LMOD2: variants seen among roughly 807,000 people sequenced by gnomAD.
The protein encoded by LMOD2 is leiomodin 2.
Under a neutral mutation model 41.7 loss-of-function variants are expected in LMOD2, and 27 were observed. The ratio of observed to expected loss-of-function variants is 0.65; its 90% CI spans 0.48 to 0.89. The LOEUF is 0.89. Ranked by LOEUF, LMOD2 falls within the 40% of genes least tolerant of loss-of-function variation. LMOD2 has a pLI of 0.00. For missense variants in LMOD2, 624 were observed against 667.9 expected (o/e 0.93, Z 0.72); for synonymous variants, 251 against 244.6 (o/e 1.03, Z -0.25).
Position 123,662,414 on chromosome 7 carries a change from G to A in LMOD2, c.828G>A (p.Glu276=). 2 of 1,613,992 alleles carry A rather than the reference G, an allele frequency of 1.2e-6. No homozygotes were observed. The highest frequency in any genetic ancestry group is 1.7e-6 in the Non-Finnish European group (2 of 1,179,896). ...VNEHITNVNV[E]SNFITGKGIL... ...AGCACATCACCAACGTAAACGTCGA[G>A]TCCAACTTCATAACGGGAAAGGGGA... is the stretch of plus-strand genomic sequence containing the variant. Residue 276 remains glutamate, a synonymous_variant, in exon 2 of 3, where the codon GAG becomes GAA. Transcript: ENST00000458573. This position sits in a 1 kb window ranked among gnomAD's most constrained non-coding sequence, Gnocchi z 4.0.
Position 123,662,071 on chromosome 7 carries a change from A to C in LMOD2, c.485A>C (p.Lys162Thr), listed in dbSNP as rs1211921637. Residue 162 changes from lysine (K) to threonine (T), a missense_variant, in exon 2 of 3, where the codon AAG becomes ACG. Physicochemically the swap from Lys to Thr is moderately conservative, Grantham distance 78. Coordinates refer to ENST00000458573, the MANE Select transcript of LMOD2 (RefSeq NM_207163.3). The surrounding 1 kb of genome is among the most constrained non-coding windows in gnomAD (Gnocchi z 4.0). ...NYDSVNSDNS[K>T]PKIFKSQIEN... ...GATAGTGTCAATTCTGACAACTCTA[A>C]GCCAAAGATATTTAAAAGTCAAATA... is the stretch of plus-strand genomic sequence containing the variant. 6.2e-7 allele frequency: 1 copy of C among 1,605,152 alleles called. No individual in the cohort carries two copies. The highest frequency in any genetic ancestry group is 8.5e-7 in the Non-Finnish European group (1 of 1,175,284).
chr7:123,659,784 C>G (rs1183264329), intron 1 of LMOD2, among the ~76,000 whole-genome samples: 3 of 152,112 alleles, frequency 2.0e-5, no homozygotes, highest in Non-Finnish European at 2.9e-5. Flanking sequence ...GGGAATGCGT[C>G]TGAGGGATAT....
rs568905986 is a variant in LMOD2, at chr7:123,659,080, C to T, written c.274-2780C>T. 3.5e-4 allele frequency among the ~76,000 whole-genome samples: 53 copies of T among 152,262 alleles called. 1 individual carries two copies. The highest frequency in any genetic ancestry group is 1.1e-3 in the African/African-American group (45 of 41,542). On this transcript the variant is annotated intron_variant, in intron 1 of 2. Coordinates refer to ENST00000458573, the MANE Select transcript of LMOD2 (RefSeq NM_207163.3). ...ACAGAAGCCTTACCAATAACATAAA[C>T]GGTCAATTAACACATACTTTGAATG...
At chr7:123,658,400 C>T (rs553506957) in intron 1 of LMOD2, among the ~76,000 whole-genome samples, 25 of 152,162 alleles carry the variant, frequency 1.6e-4, no homozygotes, top group African/African-American at 5.3e-4. Context: ...AAGGTAGTTG[C>T]GTAAGTGAAG....
intron 1 of LMOD2, among the ~76,000 whole-genome samples, chr7:123,660,732 CTTT>C (rs879834261): frequency 6.9e-6 from 1 of 144,872 alleles, no homozygotes; most frequent in Admixed American, 6.9e-5. Flanking sequence ...ATTTCTAGAC[CTTT>C]TTTTTTTTTA....
chr7:123,661,821 C>T, intron 1 of LMOD2, 39 bp from the exon 2 acceptor site: 1 of 1,320,584 alleles, frequency 7.6e-7, no homozygotes, highest in Non-Finnish European at 1.0e-6. Context: ...AAAATGGTAT[C>T]ATTTTTAAGA....
At position 123,656,274 on chromosome 7, in the gene LMOD2, C is replaced by T. The variant is rs372975045; in HGVS notation, c.273+38C>T. On this transcript the variant is annotated intron_variant, in intron 1 of 2. Coordinates refer to ENST00000458573, the MANE Select transcript of LMOD2 (RefSeq NM_207163.3). ...GACTTTTCCTTGGCTAACCCCACCT[C>T]CCCATCACCCCATCCCAAACCCAGA... 19 of 1,551,854 alleles carry T rather than the reference C, an allele frequency of 1.2e-5. No homozygotes were observed. In the African/African-American group the frequency reaches 2.5e-4, roughly 20 times the overall value.
chr7:123,656,331 C>A, intron 1 of LMOD2, 95 bp downstream of exon 1: 2 of 1,319,664 alleles, frequency 1.5e-6, no homozygotes, highest in Non-Finnish European at 2.0e-6. Flanking sequence ...CAATCCTCAT[C>A]ACTTGAATTT....
chr7:123,657,811 CAAAAAAAAAA>C (rs1009900124), intron 1 of LMOD2, among the ~76,000 whole-genome samples: 3 of 36,012 alleles, frequency 8.3e-5, no homozygotes, highest in African/African-American at 1.3e-4. Flanking sequence ...CTCATCTCTA[CAAAAAAAAAA>C]AAAAAAAAAA....
chr7:123,658,739 T>C (rs140585867), intron 1 of LMOD2, among the ~76,000 whole-genome samples: 28 of 152,276 alleles, frequency 1.8e-4, no homozygotes, highest in African/African-American at 5.8e-4. Context: ...AGCTTGTACA[T>C]AGAAGTGAAA....
rs746188418 is a variant in LMOD2, at chr7:123,662,861, CCCTCCT to C, written c.1287_1292del (p.Pro432_Pro433del). ...CTGTGGCCACACCTCCTCCTCCTCC[CCCTCCT>C]CCTCCTCCTCCCCCTCCTTCTTCCC... On this transcript the variant is annotated inframe_deletion, in exon 2 of 3. Transcript: ENST00000458573. The surrounding 1 kb of genome is among the most constrained non-coding windows in gnomAD (Gnocchi z 4.0). 31 of 1,550,382 alleles carry C rather than the reference CCCTCCT, an allele frequency of 2.0e-5. No homozygotes were observed. The highest frequency in any genetic ancestry group is 8.2e-5 in the African/African-American group (6 of 72,870).
intron 1 of LMOD2, among the ~76,000 whole-genome samples, chr7:123,660,117 G>A (rs1802849577): frequency 6.6e-6 from 1 of 152,110 alleles, no homozygotes; most frequent in South Asian, 2.1e-4. Context: ...GGAGAAGTCA[G>A]CCCACAATTC....
Position 123,656,328 on chromosome 7 carries a change from C to A in LMOD2, c.273+92C>A, listed in dbSNP as rs114908552. 1,522 of 1,335,176 alleles carry A rather than the reference C, an allele frequency of 1.1e-3. 19 individuals carry two copies. In the African/African-American group the frequency reaches 0.02, roughly 18 times the overall value. The allele number at this position is 1,335,176 out of a possible 1,614,324, so 82.7% of individuals were successfully genotyped here. On this transcript the variant is annotated intron_variant, in intron 1 of 2. Coordinates refer to ENST00000458573, the MANE Select transcript of LMOD2 (RefSeq NM_207163.3). ...TTGTTTTCCCTAACTTCTCAATCCT[C>A]ATCACTTGAATTTTCCTATAACCCA...
intron 1 of LMOD2, among the ~76,000 whole-genome samples, chr7:123,658,143 C>T (rs1330030191): frequency 1.3e-5 from 2 of 152,106 alleles, no homozygotes; most frequent in Non-Finnish European, 1.5e-5. Context: ...GCCGGACGAA[C>T]CCACCTGATC....
At position 123,664,094 on chromosome 7, in the gene LMOD2, T is replaced by C. The variant is rs1802935216; in HGVS notation, c.*349T>C. The C allele has an allele frequency of 4.6e-6, 1 of 215,076 alleles. No individual in the cohort carries two copies. Among genetic ancestry groups the C allele is most frequent in the Non-Finnish European group, 9.1e-6 (1 of 110,052 alleles). The allele number at this position is 215,076 out of a possible 1,614,324, so 13.3% of individuals were successfully genotyped here. ...AATGTGGATTGAAGTTTTTTCCCTT[T>C]TTTTAAAGCCAAACTAATATTTTTC... On this transcript the variant is annotated 3_prime_UTR_variant, in exon 3 of 3. Transcript: ENST00000458573.
At chr7:123,663,625 C>A in intron 2 of LMOD2, 94 bp from the exon 3 acceptor site, 2 of 1,042,948 alleles carry the variant, frequency 1.9e-6, no homozygotes, top group Non-Finnish European at 2.9e-6. Context: ...AACCTGAGTT[C>A]TTCTCAGAGG....
rs777511141 is a variant in LMOD2 at position 123,662,805 on chromosome 7, G to C, written c.1219G>C (p.Val407Leu). ...GTCATCCCCAAAACTCCCCAAAAAA[G>C]TCCAGACTGTGAGGAGCCGTCCTCT... ...PWSSPKLPKK[V>L]QTVRSRPLSP... is the part of the protein sequence containing the mutation. Residue 407 changes from valine (V) to leucine (L), a missense_variant, in exon 2 of 3, where the codon GTC becomes CTC. Val to Leu is a conservative substitution (Grantham distance 32, BLOSUM62 1). Coordinates refer to ENST00000458573, the MANE Select transcript of LMOD2 (RefSeq NM_207163.3). This position sits in a 1 kb window ranked among gnomAD's most constrained non-coding sequence, Gnocchi z 4.0. The C allele has an allele frequency of 1.8e-5, 29 of 1,613,068 alleles. No homozygotes were observed. The South Asian group carries it at 3.1e-4, about 17-fold the overall frequency.
In LMOD2 at chr7:123,663,900, TCAGCA is replaced by T; in HGVS notation, c.*156_*160del. 3.2e-6 allele frequency: 2 copies of T among 626,388 alleles called. No individual in the cohort carries two copies. The highest frequency in any genetic ancestry group is 5.4e-6 in the Non-Finnish European group (2 of 367,352). 38.8% of individuals were successfully genotyped at this position (626,388 alleles called of 1,614,324 possible). On this transcript the variant is annotated 3_prime_UTR_variant, in exon 3 of 3. Coordinates refer to ENST00000458573, the MANE Select transcript of LMOD2 (RefSeq NM_207163.3). ...TTCCAAAGAGAATCTTAAGAAACAA[TCAGCA>T]TGTTTCTTCTGTAAATATGAAAATA...
chr7:123,661,211 G>C (rs1427810017), intron 1 of LMOD2, among the ~76,000 whole-genome samples: 4 of 152,186 alleles, frequency 2.6e-5, no homozygotes. Flanking sequence ...AGAGTCTTCT[G>C]TGGTAGAGCC....
Sources: gnomAD v4.1 joint callset for allele counts (sites outside exome capture counted in the v4.1 genomes callset) on GRCh38, gnomAD v4.1.1 for gene constraint, Gnocchi (gnomAD v3.1) non-coding constraint, MANE v1.5 for transcripts, NCBI Gene and HGNC (gene_info 2026-07-23, HGNC 2026-07-21) for gene names.